Variants in SRRM4 observed in about 807,000 individuals in gnomAD.
SRRM4 encodes serine/arginine repetitive matrix protein 4.
In SRRM4, 33 loss-of-function variants were observed where a neutral mutation model predicts 68.9. The ratio of observed to expected loss-of-function variants is 0.48; its 90% CI spans 0.36 to 0.64. The LOEUF (loss-of-function observed/expected upper bound fraction) is 0.64, where lower values mean the gene tolerates loss of function less well. Among genes scored for constraint, SRRM4 ranks in the 30% least tolerant of loss-of-function variants. The probability of loss-of-function intolerance (pLI) is 0.00; values close to 1 mark genes in which losing one functional copy is unlikely to be tolerated. For missense variants in SRRM4, 817 were observed against 827.1 expected (o/e 0.99, Z 0.15); for synonymous variants, 318 against 318.8 (o/e 1.00, Z 0.03).
chr12:119,033,715 C>G (rs951619552), intron 1 of SRRM4, among the ~76,000 whole-genome samples: 1 of 150,546 alleles, frequency 6.6e-6, no homozygotes, highest in Admixed American at 6.6e-5. Context: ...GTGTTTCTTT[C>G]TCCACCTTAC....
At chr12:119,041,510 C>A (rs888257010) in intron 1 of SRRM4, among the ~76,000 whole-genome samples, 1 of 152,162 alleles carries the variant, frequency 6.6e-6, no homozygotes, top group Admixed American at 6.5e-5. Flanking sequence ...TCAAGAATAA[C>A]ACGATGAACC....
intron 1 of SRRM4, among the ~76,000 whole-genome samples, chr12:119,098,021 T>C (rs1565907512): frequency 6.6e-6 from 1 of 152,220 alleles, no homozygotes; most frequent in African/African-American, 2.4e-5. Context: ...CACCTTGACA[T>C]AGTAATAATG....
chr12:119,007,649 C>CA (rs1439756527), intron 1 of SRRM4, among the ~76,000 whole-genome samples: 8 of 152,194 alleles, frequency 5.3e-5, no homozygotes, highest in Non-Finnish European at 1.2e-4. Flanking sequence ...GAAACAAACT[C>CA]AGAGAGGTTC....
chr12:119,030,631 T>C (rs1953583069), intron 1 of SRRM4, among the ~76,000 whole-genome samples: 1 of 152,230 alleles, frequency 6.6e-6, no homozygotes, highest in African/African-American at 2.4e-5. Context: ...TGCATATCTG[T>C]ATATCTCTCT....
intron 1 of SRRM4, among the ~76,000 whole-genome samples, chr12:119,061,227 A>G (rs1266408708): frequency 6.6e-6 from 1 of 152,168 alleles, no homozygotes; most frequent in African/African-American, 2.4e-5. Flanking sequence ...CAAAAATAGC[A>G]ATGTTTCCCG....
intron 2 of SRRM4, among the ~76,000 whole-genome samples, chr12:119,104,926 C>T (rs1451877463): frequency 6.6e-6 from 1 of 150,446 alleles, no homozygotes; most frequent in Admixed American, 6.6e-5. Context: ...CCCATTAACT[C>T]GTCATTTACA....
chr12:118,999,144 C>G (rs1181401978), intron 1 of SRRM4, among the ~76,000 whole-genome samples: 1 of 152,182 alleles, frequency 6.6e-6, no homozygotes, highest in East Asian at 1.9e-4. Flanking sequence ...GGTCCAAGGA[C>G]CCAGCCCCCA....
intron 1 of SRRM4, among the ~76,000 whole-genome samples, chr12:119,041,206 G>A (rs1416348738): frequency 6.6e-6 from 1 of 152,168 alleles, no homozygotes; most frequent in African/African-American, 2.4e-5. Context: ...CAAGCCATTT[G>A]CCTAAGACAC....
chr12:119,043,625 G>T (rs1953683911), intron 1 of SRRM4, among the ~76,000 whole-genome samples: 3 of 152,088 alleles, frequency 2.0e-5, no homozygotes, highest in Admixed American at 2.0e-4. Context: ...GACCAAGGAA[G>T]TCAGCAGGGC....
At position 118,984,758 on chromosome 12, in the gene SRRM4, G is replaced by A. The variant is rs115611699; in HGVS notation, c.131+2745G>A. On this transcript the variant is annotated intron_variant, in intron 1 of 12. Transcript: ENST00000267260. ...CTTGATGAGGCAATAGCTTTATAAT[G>A]TATCAAATTGCAACCAGATGTCTGC... 3.8e-3 allele frequency among the ~76,000 whole-genome samples: 586 copies of A among 152,214 alleles called. 2 individuals carry two copies. The highest frequency in any genetic ancestry group is 0.013 in the African/African-American group (552 of 41,520).
chr12:119,108,028 T>C (rs916926210), intron 2 of SRRM4, among the ~76,000 whole-genome samples: 6 of 152,206 alleles, frequency 3.9e-5, no homozygotes, highest in African/African-American at 1.2e-4. Flanking sequence ...TTGTTCTCAT[T>C]GGTTTCAAAG....
chr12:119,060,668 C>T (rs919107529), intron 1 of SRRM4, among the ~76,000 whole-genome samples: 2 of 151,998 alleles, frequency 1.3e-5, no homozygotes, highest in African/African-American at 4.8e-5. Flanking sequence ...AGGCCCGGGA[C>T]TTCAACCGTG....
chr12:119,055,722 A>T (rs2136018924), intron 1 of SRRM4, among the ~76,000 whole-genome samples: 1 of 152,356 alleles, frequency 6.6e-6, no homozygotes, highest in Middle Eastern at 3.4e-3. Flanking sequence ...CTGAGTTCAA[A>T]TCCTGATTCT....
At chr12:119,073,872 A>C (rs1440792852) in intron 1 of SRRM4, among the ~76,000 whole-genome samples, 2 of 152,128 alleles carry the variant, frequency 1.3e-5, no homozygotes, top group Non-Finnish European at 2.9e-5. Context: ...AAGAAACTCT[A>C]CTGCCTTCCT....
chr12:119,113,101 T>C (rs555238774), intron 2 of SRRM4, among the ~76,000 whole-genome samples: 36 of 152,332 alleles, frequency 2.4e-4, no homozygotes, highest in African/African-American at 7.7e-4. Context: ...TTTTAAAAAG[T>C]GGCTCTCTTG....
At chr12:119,104,668 C>T (rs1428432970) in intron 2 of SRRM4, among the ~76,000 whole-genome samples, 2 of 151,852 alleles carry the variant, frequency 1.3e-5, no homozygotes, top group Admixed American at 1.3e-4. Context: ...GGTCTCTGAG[C>T]CCTGTTGGAA....
intron 7 of SRRM4, among the ~76,000 whole-genome samples, chr12:119,129,797 A>G (rs1289149755): frequency 1.3e-5 from 2 of 152,180 alleles, no homozygotes; most frequent in Admixed American, 1.3e-4. Context: ...GGATGAATAG[A>G]TTGTTGGTTA....
chr12:118,994,319 T>A lies in SRRM4; in HGVS notation c.131+12306T>A, dbSNP rs532586378. On this transcript the variant is annotated intron_variant, in intron 1 of 12. Transcript: ENST00000267260. Reference sequence around the variant, plus strand: ...ACTGTCCCCACGTAGTGGTGTGAATTCAGGAGCTAGAGGCTATGGTCTAAG... The same window carrying A: ...ACTGTCCCCACGTAGTGGTGTGAATACAGGAGCTAGAGGCTATGGTCTAAG... 3.3e-5 allele frequency among the ~76,000 whole-genome samples: 5 copies of A among 152,278 alleles called. No homozygotes were observed. In the South Asian group the frequency reaches 1.0e-3, roughly 32 times the overall value.
At chr12:119,143,869 C>G (rs1382994057) in intron 8 of SRRM4, among the ~76,000 whole-genome samples, 1 of 152,110 alleles carries the variant, frequency 6.6e-6, no homozygotes, top group African/African-American at 2.4e-5. Flanking sequence ...TCTTGGTCCC[C>G]CAGATTTCTC....
Sources: gnomAD v4.1 joint callset for allele counts (sites outside exome capture counted in the v4.1 genomes callset) on GRCh38, gnomAD v4.1.1 for gene constraint, MANE v1.5 for transcripts, NCBI Gene and HGNC (gene_info 2026-07-23, HGNC 2026-07-21) for gene names.